Variants in DIRAS2 observed in about 807,000 individuals in gnomAD.
The protein encoded by DIRAS2 is GTP-binding protein Di-Ras2.
A neutral mutation model predicts 13.9 loss-of-function variants in DIRAS2; 5 were observed. The observed-to-expected ratio is 0.36, with a 90% CI of 0.19 to 0.76. DIRAS2 has a LOEUF of 0.76. DIRAS2 is among the 30% of genes least tolerant of loss of function. DIRAS2 has a pLI of 0.53. For missense variants in DIRAS2, 191 were observed against 263.0 expected (o/e 0.73, Z 1.89); for synonymous variants, 111 against 105.4 (o/e 1.05, Z -0.33).
At chr9:90,632,142 C>G (rs895066197) in intron 1 of DIRAS2, among the ~76,000 whole-genome samples, 1 of 152,190 alleles carries the variant, frequency 6.6e-6, no homozygotes, top group African/African-American at 2.4e-5. Flanking sequence ...GGCTCTGAGC[C>G]ACTCCAGTCA....
At chr9:90,633,268 A>G (rs559943943) in intron 1 of DIRAS2, among the ~76,000 whole-genome samples, 1 of 152,196 alleles carries the variant, frequency 6.6e-6, no homozygotes, top group South Asian at 2.1e-4. Flanking sequence ...TGGTGACATC[A>G]ACAGCAACTA....
chr9:90,617,489 T>C (rs1166668228), intron 1 of DIRAS2, among the ~76,000 whole-genome samples: 1 of 152,222 alleles, frequency 6.6e-6, no homozygotes, highest in Non-Finnish European at 1.5e-5. Context: ...GGCAAGTTAC[T>C]TAAACTTTCT....
At chr9:90,615,219 C>T (rs1040532046) in intron 1 of DIRAS2, among the ~76,000 whole-genome samples, 1 of 152,172 alleles carries the variant, frequency 6.6e-6, no homozygotes, top group Non-Finnish European at 1.5e-5. Context: ...AATATGTTCT[C>T]CTGACAGACA....
intron 1 of DIRAS2, among the ~76,000 whole-genome samples, chr9:90,624,513 G>T (rs1196214558): frequency 3.3e-5 from 5 of 152,218 alleles, no homozygotes; most frequent in Admixed American, 3.3e-4. Context: ...CTGCAAGAAT[G>T]AAGTCAGTGG....
chr9:90,632,683 C>T (rs1425444300), intron 1 of DIRAS2, among the ~76,000 whole-genome samples: 2 of 152,160 alleles, frequency 1.3e-5, no homozygotes, highest in South Asian at 2.1e-4. Flanking sequence ...ACTGCCTGGC[C>T]CATAAGAAGT....
intron 1 of DIRAS2, among the ~76,000 whole-genome samples, chr9:90,621,051 T>C (rs902027879): frequency 2.6e-5 from 4 of 152,152 alleles, no homozygotes; most frequent in African/African-American, 9.6e-5. Context: ...TCAAGTATAA[T>C]AGAAATAGAA....
chr9:90,630,401 G>A (rs945932977), intron 1 of DIRAS2, among the ~76,000 whole-genome samples: 3 of 152,208 alleles, frequency 2.0e-5, no homozygotes, highest in South Asian at 2.1e-4. Context: ...ATGTGATAAC[G>A]TGATAGAGGT....
intron 1 of DIRAS2, among the ~76,000 whole-genome samples, chr9:90,626,982 G>A (rs188766112): frequency 2.6e-5 from 4 of 152,278 alleles, no homozygotes; most frequent in Non-Finnish European, 4.4e-5. Context: ...GGTGGGGCCC[G>A]GTGGGAGGTG....
intron 1 of DIRAS2, among the ~76,000 whole-genome samples, chr9:90,632,268 C>T (rs976501643): frequency 1.3e-5 from 2 of 152,196 alleles, no homozygotes; most frequent in African/African-American, 2.4e-5. Context: ...ACCCTCATTC[C>T]CACCATTATC....
At chr9:90,640,408 T>C (rs1301582259) in intron 1 of DIRAS2, among the ~76,000 whole-genome samples, 1 of 152,234 alleles carries the variant, frequency 6.6e-6, no homozygotes, top group Admixed American at 6.5e-5. Context: ...TGTCATATAA[T>C]GAAAACTAAA....
At chr9:90,641,650 T>G (rs1344983404) in intron 1 of DIRAS2, among the ~76,000 whole-genome samples, 1 of 152,100 alleles carries the variant, frequency 6.6e-6, no homozygotes, top group East Asian at 1.9e-4. Context: ...TATCCTCCCC[T>G]TTTCTCTCCC....
chr9:90,625,082 C>T (rs954274016), intron 1 of DIRAS2, among the ~76,000 whole-genome samples: 25 of 152,222 alleles, frequency 1.6e-4, no homozygotes, highest in African/African-American at 5.8e-4. Flanking sequence ...GACCAATGAC[C>T]GATGCAGCAT....
intron 1 of DIRAS2, among the ~76,000 whole-genome samples, chr9:90,614,308 G>A (rs752203976): frequency 2.2e-3 from 100 of 45,570 alleles, no homozygotes; most frequent in Non-Finnish European, 3.3e-3. Context: ...TCATCATAAT[G>A]TGTGTGTGTG....
At chr9:90,632,591 T>A (rs937452763) in intron 1 of DIRAS2, among the ~76,000 whole-genome samples, 16 of 152,218 alleles carry the variant, frequency 1.1e-4, no homozygotes, top group Admixed American at 2.6e-4. Flanking sequence ...TTTTAAAAAA[T>A]TTGTGTTTAA....
rs550989656 is a variant in DIRAS2 at position 90,634,229 on chromosome 9, T to C, written c.-37+8523A>G. ...AGTGACCTTGGATGATATCTGAACATGAGGTCAGAAGGAAGACAATGAACC... is the reference window on the plus strand; with the variant it reads ...AGTGACCTTGGATGATATCTGAACACGAGGTCAGAAGGAAGACAATGAACC... On this transcript the variant is annotated intron_variant, in intron 1 of 1. Transcript: ENST00000375765. 3.9e-4 allele frequency among the ~76,000 whole-genome samples: 59 copies of C among 152,190 alleles called. 1 individual carries two copies. In the South Asian group the frequency reaches 8.5e-3, roughly 22 times the overall value.
chr9:90,631,719 C>T (rs1454788688), intron 1 of DIRAS2, among the ~76,000 whole-genome samples: 1 of 152,128 alleles, frequency 6.6e-6, no homozygotes, highest in Non-Finnish European at 1.5e-5. Context: ...CATATACCTG[C>T]ACCCTCAACT....
At chr9:90,630,881 AT>A (rs1825318869) in intron 1 of DIRAS2, among the ~76,000 whole-genome samples, 1 of 152,226 alleles carries the variant, frequency 6.6e-6, no homozygotes, top group Non-Finnish European at 1.5e-5. Flanking sequence ...AAAGGGACAT[AT>A]AAAAATGATT....
chr9:90,620,525 G>A (rs1247914608), intron 1 of DIRAS2, among the ~76,000 whole-genome samples: 2 of 152,180 alleles, frequency 1.3e-5, no homozygotes, highest in East Asian at 1.9e-4. Flanking sequence ...GGGAGGCTGA[G>A]GCAGGTGGAT....
chr9:90,620,172 T>C (rs1185307532), intron 1 of DIRAS2, among the ~76,000 whole-genome samples: 1 of 152,218 alleles, frequency 6.6e-6, no homozygotes, highest in Non-Finnish European at 1.5e-5. Context: ...ATGTACACTT[T>C]AATGCGGGAA....
Sources: allele counts gnomAD v4.1 joint callset (sites outside exome capture counted in the v4.1 genomes callset), GRCh38; gene constraint gnomAD v4.1.1; transcripts MANE v1.5; gene names NCBI Gene and HGNC (gene_info 2026-07-23, HGNC 2026-07-21).